Variants in ATXN7L1 observed in about 807,000 individuals in gnomAD.
ATXN7L1 encodes ataxin 7 like 1, also known as ataxin-7-like protein 1.
Under a neutral mutation model 70.8 loss-of-function variants are expected in ATXN7L1, and 15 were observed. That is an observed-to-expected ratio of 0.21 (90% confidence interval 0.14 to 0.33). ATXN7L1 has a LOEUF of 0.33. Among genes scored for constraint, ATXN7L1 ranks in the 10% least tolerant of loss-of-function variants. The pLI is 1.00. For missense variants in ATXN7L1, 975 were observed against 1,097.1 expected, an observed-to-expected ratio of 0.89 and a Z score of 1.57; for synonymous variants, 440 against 445.1, an observed-to-expected ratio of 0.99 and a Z score of 0.14.
intron 3 of ATXN7L1, 73 bp from the exon 4 acceptor site, chr7:105,665,361 T>C: frequency 2.4e-6 from 3 of 1,225,820 alleles, no homozygotes; most frequent in Non-Finnish European, 3.5e-6. Context: ...TCACATACAC[T>C]CAAACACACA....
intron 11 of ATXN7L1, among the ~76,000 whole-genome samples, chr7:105,609,597 T>C (rs1792977441): frequency 6.6e-6 from 1 of 152,048 alleles, no homozygotes; most frequent in African/African-American, 2.4e-5. Context: ...CCTGAATAGC[T>C]GGGACTACAG....
At chr7:105,801,822 G>C (rs748166782) in intron 2 of ATXN7L1, among the ~76,000 whole-genome samples, 3 of 152,124 alleles carry the variant, frequency 2.0e-5, no homozygotes, top group Non-Finnish European at 2.9e-5. Flanking sequence ...GGCACAGTGG[G>C]AGTAGTTACA....
intron 3 of ATXN7L1, among the ~76,000 whole-genome samples, chr7:105,689,535 T>TG (rs1014021727): frequency 6.6e-6 from 1 of 152,170 alleles, no homozygotes. Context: ...TTGACACAGC[T>TG]GGGGGCAGCC....
chr7:105,763,175 C>T (rs777010279), intron 3 of ATXN7L1, among the ~76,000 whole-genome samples: 1 of 152,378 alleles, frequency 6.6e-6, no homozygotes, highest in African/African-American at 2.4e-5. Context: ...TACTAACACA[C>T]TCTTCCTACT....
At chr7:105,643,359 G>C (rs1055226214) in intron 4 of ATXN7L1, among the ~76,000 whole-genome samples, 1 of 152,096 alleles carries the variant, frequency 6.6e-6, no homozygotes, top group African/African-American at 2.4e-5. Context: ...ACTGATTACC[G>C]CCCGTGCTGA....
At position 105,614,246 on chromosome 7, in the gene ATXN7L1, G is replaced by A. The variant is rs781075979; in HGVS notation, c.2088C>T (p.Asn696=). Residue 696 remains asparagine, a synonymous_variant, in exon 10 of 12, where the codon AAC becomes AAT. Coordinates refer to ENST00000419735, the MANE Select transcript of ATXN7L1 (RefSeq NM_020725.2). The surrounding 1 kb of genome is among the most constrained non-coding windows in gnomAD (Gnocchi z 4.3). ...LNSYQAAPPY[N]SLSVHNSNNG... is the part of the protein sequence containing the mutation. ...TGTTTGAGTTGTGCACAGACAGGCT[G>A]TTATAGGGAGGGGCCGCCTGATAGG... The A allele has an allele frequency of 5.2e-6, 8 of 1,551,666 alleles. No homozygotes were observed. Among genetic ancestry groups the A allele is most frequent in the Middle Eastern group, 1.7e-4 (1 of 6,012 alleles).
At chr7:105,730,921 T>A (rs778984950) in intron 3 of ATXN7L1, among the ~76,000 whole-genome samples, 1 of 152,174 alleles carries the variant, frequency 6.6e-6, no homozygotes, top group African/African-American at 2.4e-5. Flanking sequence ...ACCACACTAA[T>A]GTAAGACGTT....
chr7:105,625,525 A>T (rs1795572600), intron 7 of ATXN7L1, among the ~76,000 whole-genome samples: 1 of 152,184 alleles, frequency 6.6e-6, no homozygotes, highest in Non-Finnish European at 1.5e-5. Context: ...TGCTGGGATT[A>T]CAGGTGTGAG....
intron 3 of ATXN7L1, among the ~76,000 whole-genome samples, chr7:105,683,717 C>T (rs1258139700): frequency 1.3e-5 from 2 of 152,028 alleles, no homozygotes; most frequent in Non-Finnish European, 2.9e-5. Flanking sequence ...ACAACTACCA[C>T]CGCCACTACC....
chr7:105,812,604 C>T (rs1808590184), intron 2 of ATXN7L1, among the ~76,000 whole-genome samples: 1 of 152,166 alleles, frequency 6.6e-6, no homozygotes, highest in African/African-American at 2.4e-5. Context: ...GTAACATTTC[C>T]CTGCAGTTGT....
At chr7:105,756,114 C>T (rs1357555171) in intron 3 of ATXN7L1, among the ~76,000 whole-genome samples, 1 of 152,178 alleles carries the variant, frequency 6.6e-6, no homozygotes, top group Non-Finnish European at 1.5e-5. Context: ...TGACCAATTT[C>T]CCCCTCATTC....
At chr7:105,777,858 T>C (rs1228093372) in intron 3 of ATXN7L1, among the ~76,000 whole-genome samples, 1 of 152,222 alleles carries the variant, frequency 6.6e-6, no homozygotes, top group East Asian at 1.9e-4. Context: ...ACTCTGACAT[T>C]CTGGTCCTTG....
chr7:105,692,411 T>TTCCTTCCC (rs1554431636), intron 3 of ATXN7L1, among the ~76,000 whole-genome samples: 1 of 119,416 alleles, frequency 8.4e-6, no homozygotes, highest in African/African-American at 3.1e-5. Context: ...CCTTCCTTCC[T>TTCCTTCCC]TCCTTCCTTC....
At chr7:105,639,272 GTTTT>G (rs11357544) in intron 6 of ATXN7L1, among the ~76,000 whole-genome samples, 2 of 128,072 alleles carry the variant, frequency 1.6e-5, no homozygotes, top group Non-Finnish European at 1.7e-5. Flanking sequence ...GGGAAGCCTA[GTTTT>G]TTTTTTTTTT....
Position 105,742,997 on chromosome 7 carries a change from ATTCT to A in ATXN7L1, c.355+45603_355+45606del, listed in dbSNP as rs1798185340. Among the ~76,000 whole-genome samples the A allele has an allele frequency of 6.6e-5, 10 of 152,152 alleles. 1 individual carries two copies. The South Asian group carries it at 2.1e-3, about 32-fold the overall frequency. ...TCTCCCCAGCCAAAATCAGGAAGTG[ATTCT>A]TTGTGGGCAGCCCAACCTCTGAAGG... On this transcript the variant is annotated intron_variant, in intron 3 of 11. Transcript: ENST00000419735.
chr7:105,860,146 TAC>T (rs201951417), intron 2 of ATXN7L1, among the ~76,000 whole-genome samples: 6,068 of 52,096 alleles, frequency 0.12, 415 homozygotes, highest in Non-Finnish European at 0.17. Flanking sequence ...TATATATATA[TAC>T]ATATATATAT....
chr7:105,702,857 G>A (rs1792636902), intron 3 of ATXN7L1, among the ~76,000 whole-genome samples: 2 of 152,100 alleles, frequency 1.3e-5, no homozygotes, highest in African/African-American at 4.8e-5. Context: ...AGTGGCTCAT[G>A]CCTGTAATCC....
intron 3 of ATXN7L1, among the ~76,000 whole-genome samples, chr7:105,709,059 C>A (rs375770142): frequency 1.3e-5 from 2 of 148,800 alleles, no homozygotes; most frequent in Non-Finnish European, 3.0e-5. Flanking sequence ...TCTGGCCGGG[C>A]GTATTGGCTC....
In ATXN7L1 at chr7:105,814,656, C is replaced by G. The variant is rs780214149; in HGVS notation, c.251-25948G>C. 1.4e-4 allele frequency among the ~76,000 whole-genome samples: 21 copies of G among 152,136 alleles called. 1 individual carries two copies. The highest frequency in any genetic ancestry group is 1.9e-4 in the East Asian group (1 of 5,178). ...TTGTTGACTCCAATGCTTAGAAATC[C>G]TTTAAAATACAAGTGAGGAAGAATC... On this transcript the variant is annotated intron_variant, in intron 2 of 11. Transcript: ENST00000419735.
Sources: allele counts gnomAD v4.1 joint callset (sites outside exome capture counted in the v4.1 genomes callset), GRCh38; gene constraint gnomAD v4.1.1; non-coding constraint Gnocchi (gnomAD v3.1); transcripts MANE v1.5; gene names NCBI Gene and HGNC (gene_info 2026-07-23, HGNC 2026-07-21).